The following CBY2 variants were observed in gnomAD, a reference collection of about 807,000 sequenced individuals.
CBY2 encodes the protein chibby family member 2.
In CBY2, 23 loss-of-function variants were observed where a neutral mutation model predicts 25.3. The ratio of observed to expected loss-of-function variants is 0.91; its 90% CI spans 0.65 to 1.29. CBY2 has a LOEUF of 1.29. Ranked by LOEUF, CBY2 falls within the 50% of genes most tolerant of loss-of-function variation. CBY2 has a pLI of 0.00. For synonymous variants in CBY2, 279 were observed against 260.2 expected (o/e 1.07, Z -0.70); for missense variants, 642 against 590.7 (o/e 1.09, Z -0.90).
At position 45,714,066 on chromosome 13, in the gene CBY2, G is replaced by T; in HGVS notation, c.1041G>T (p.Pro347=). The change falls in exon 3 of 3, where the codon CCG becomes CCT. Residue 347 remains proline (P), a synonymous_variant. Coordinates refer to ENST00000310521, the MANE Select transcript of CBY2 (RefSeq NM_152719.3). The part of the protein sequence containing the change: ...PSGEEEAKVG[P]GLPDGCQPLQ... ...GGGAGGAGGAGGCCAAGGTGGGCCC[G>T]GGCCTGCCCGACGGCTGCCAGCCCC... 6.6e-7 allele frequency: 1 copy of T among 1,518,652 alleles called. No homozygotes were observed. The highest frequency in any genetic ancestry group is 8.8e-7 in the Non-Finnish European group (1 of 1,131,718). The allele number at this position is 1,518,652 out of a possible 1,614,324, so 94.1% of individuals were successfully genotyped here.
chr13:45,707,773 T>C (rs188875857), intron 2 of CBY2, among the ~76,000 whole-genome samples: 75 of 148,296 alleles, frequency 5.1e-4, no homozygotes, highest in African/African-American at 1.7e-3. Context: ...GAGTTTGGAG[T>C]CAAATATCCT....
chr13:45,710,180 T>C (rs538859397), intron 2 of CBY2, among the ~76,000 whole-genome samples: 1 of 152,224 alleles, frequency 6.6e-6, no homozygotes, highest in East Asian at 1.9e-4. Context: ...TGGAGTCAAA[T>C]CCTGCTGAGA....
intron 2 of CBY2, among the ~76,000 whole-genome samples, chr13:45,710,157 T>C (rs965679745): frequency 6.6e-6 from 1 of 152,184 alleles, no homozygotes. Flanking sequence ...CATTTTTCCA[T>C]GTTGATAGCT....
intron 2 of CBY2, among the ~76,000 whole-genome samples, chr13:45,711,900 G>T (rs7327457): frequency 0.9 from 136,479 of 152,188 alleles, 61,664 homozygotes; most frequent in African/African-American, 0.98. Context: ...TCTGGGATGG[G>T]TTTTCTTTCT....
At position 45,713,173 on chromosome 13, in the gene CBY2, C is replaced by T; in HGVS notation, c.157-9C>T. On this transcript the variant is annotated splice_polypyrimidine_tract_variant and intron_variant, in intron 2 of 2. Transcript: ENST00000310521. This position sits in a 1 kb window ranked among gnomAD's most constrained non-coding sequence, Gnocchi z 5.0. ...CGTTAACGCTGGGCTTTCCCATTCT[C>T]TCCCGCAGAGGGGCACAGCCGAACC... 1 of 1,600,056 alleles carries T rather than the reference C, an allele frequency of 6.2e-7. No homozygotes were observed. Among genetic ancestry groups the T allele is most frequent in the Non-Finnish European group, 8.5e-7 (1 of 1,171,766 alleles).
In CBY2 at chr13:45,702,771, A is replaced by G. The variant is rs781078003; in HGVS notation, c.76-4A>G. 1 of 1,613,198 alleles carries G rather than the reference A, an allele frequency of 6.2e-7. No homozygotes were observed. Among genetic ancestry groups the G allele is most frequent in the South Asian group, 1.1e-5 (1 of 91,050 alleles). The stretch of plus-strand genomic sequence containing the variant: ...GTAATCTTCTTCTTTTCTCGTTTCC[A>G]CAGCACTCAAGGCCAAATTATACAA... On this transcript the variant is annotated splice_polypyrimidine_tract_variant and splice_region_variant and intron_variant, in intron 1 of 2. Coordinates refer to ENST00000310521, the MANE Select transcript of CBY2 (RefSeq NM_152719.3).
Position 45,713,630 on chromosome 13 carries a change from A to G in CBY2, c.605A>G (p.Glu202Gly). ...AAGATCCTACAGGTCTTCTGGGAGG[A>G]GCACAAGGCCTCGCTGGGCCGAGAG... ...ENKILQVFWE[E>G]HKASLGREES... The change falls in exon 3 of 3, where the codon GAG (glutamate) becomes GGG (glycine). Residue 202 changes from glutamate (E) to glycine (G), a missense_variant. Glu to Gly is a moderately conservative substitution (Grantham distance 98). Coordinates refer to ENST00000310521, the MANE Select transcript of CBY2 (RefSeq NM_152719.3). The surrounding 1 kb of genome is among the most constrained non-coding windows in gnomAD (Gnocchi z 5.0). 2 of 1,613,580 alleles carry G rather than the reference A, an allele frequency of 1.2e-6. No individual in the cohort carries two copies. The highest frequency in any genetic ancestry group is 1.7e-6 in the Non-Finnish European group (2 of 1,179,854).
chr13:45,706,577 T>C (rs184133516), intron 2 of CBY2, among the ~76,000 whole-genome samples: 86 of 152,302 alleles, frequency 5.6e-4, no homozygotes, highest in African/African-American at 1.9e-3. Context: ...TTTTCTTTCC[T>C]ACCTACTGGA....
chr13:45,708,085 T>C (rs1158575939), intron 2 of CBY2, among the ~76,000 whole-genome samples: 1 of 152,210 alleles, frequency 6.6e-6, no homozygotes, highest in Non-Finnish European at 1.5e-5. Context: ...AGGGCAGATG[T>C]TGGTGAGGTC....
intron 1 of CBY2, 39 bp from the exon 2 acceptor site, chr13:45,702,736 C>A: frequency 6.5e-7 from 1 of 1,532,976 alleles, no homozygotes; most frequent in Non-Finnish European, 9.0e-7. Flanking sequence ...AGAGGATGAG[C>A]TGGGAAGCAG....
At chr13:45,710,369 A>G (rs966232000) in intron 2 of CBY2, among the ~76,000 whole-genome samples, 11 of 152,142 alleles carry the variant, frequency 7.2e-5, no homozygotes, top group African/African-American at 2.4e-4. Flanking sequence ...CTAAAATACA[A>G]AAAATTAGCC....
chr13:45,713,507 G>C lies in CBY2; in HGVS notation c.482G>C (p.Arg161Thr). ...ASFHHKLHHK[R>T]LAKECMLQEE... ...TTCCACCACAAGCTGCACCACAAGA[G>C]GCTGGCCAAGGAGTGCATGCTGCAG... The change falls in exon 3 of 3, where the codon AGG becomes ACG. Residue 161 changes from arginine to threonine, a missense_variant. Physicochemically the swap from Arg to Thr is moderately conservative, Grantham distance 71. Transcript: ENST00000310521. The surrounding 1 kb of genome is among the most constrained non-coding windows in gnomAD (Gnocchi z 5.0). 1 of 1,614,202 alleles carries C rather than the reference G, an allele frequency of 6.2e-7. No homozygotes were observed. Among genetic ancestry groups the C allele is most frequent in the Non-Finnish European group, 8.5e-7 (1 of 1,180,030 alleles).
chr13:45,703,109 C>T (rs1950220674), intron 2 of CBY2: 1 of 1,303,938 alleles, frequency 7.7e-7, no homozygotes. Context: ...CCTAACATTC[C>T]AAGTTTCTAT....
chr13:45,703,663 TAATTGTAAC>T, intron 2 of CBY2: 1 of 1,305,956 alleles, frequency 7.7e-7, no homozygotes, highest in Non-Finnish European at 1.1e-6. Flanking sequence ...TCCATATATA[TAATTGTAAC>T]AATCTAGGCA....
chr13:45,714,501 G>A lies in CBY2; in HGVS notation c.*129G>A, dbSNP rs1950302877. The A allele has an allele frequency of 5.0e-6, 4 of 797,104 alleles. No individual in the cohort carries two copies. In the South Asian group the frequency reaches 8.7e-5, roughly 17 times the overall value. 49.4% of individuals were successfully genotyped at this position (797,104 alleles called of 1,614,324 possible). A position where few individuals can be genotyped will look rare whatever the true frequency, so the allele number is the denominator to read the frequency against. On this transcript the variant is annotated 3_prime_UTR_variant, in exon 3 of 3. Transcript: ENST00000310521. The stretch of plus-strand genomic sequence containing the variant: ...TACCTATTGAAAAGCAGCGTTAGCA[G>A]CCTTCCTAAACTCAGAGTTTTAATA...
At position 45,702,933 on chromosome 13, in the gene CBY2, C is replaced by A. The variant is rs17068933; in HGVS notation, c.156+78C>A. Reference sequence around the variant, plus strand: ...CCCATCTCCTCCTTCAAAACTCTAGCAAGATGTTGTAGAATAAGCAGAGAT... The same window carrying A: ...CCCATCTCCTCCTTCAAAACTCTAGAAAGATGTTGTAGAATAAGCAGAGAT... On this transcript the variant is annotated intron_variant, in intron 2 of 2. Transcript: ENST00000310521. 4.0e-3 allele frequency: 5,212 copies of A among 1,297,812 alleles called. 150 individuals carry two copies. The African/African-American group carries it at 0.064, about 16-fold the overall frequency. The allele number at this position is 1,297,812 out of a possible 1,614,324, so 80.4% of individuals were successfully genotyped here.
chr13:45,702,750 T>C, intron 1 of CBY2, 25 bp from the exon 2 acceptor site: 1 of 1,590,852 alleles, frequency 6.3e-7, no homozygotes, highest in Non-Finnish European at 8.6e-7. Context: ...GAAGCAGTAA[T>C]CTTCTTCTTT....
chr13:45,709,507 C>A (rs1035573581), intron 2 of CBY2, among the ~76,000 whole-genome samples: 12 of 152,134 alleles, frequency 7.9e-5, no homozygotes, highest in African/African-American at 2.9e-4. Context: ...GAAATTTGAA[C>A]ATGGGCTCAG....
chr13:45,713,391 GC>G lies in CBY2; in HGVS notation c.367del (p.Leu123SerfsTer14). On this transcript the variant is annotated frameshift_variant, in exon 3 of 3. Coordinates refer to ENST00000310521, the MANE Select transcript of CBY2 (RefSeq NM_152719.3). LOFTEE classifies it high-confidence loss of function. The surrounding 1 kb of genome is among the most constrained non-coding windows in gnomAD (Gnocchi z 5.0). ...TGGACTACAACCCGCCGCGGGTGCA[GC>G]TCAGCGACGAGATGTTCGTGTTCCA... ...ELDYNPPRVQ[L>X]SDEMFVFQDG... The G allele has an allele frequency of 6.2e-7, 1 of 1,614,178 alleles. No individual in the cohort carries two copies. The highest frequency in any genetic ancestry group is 8.5e-7 in the Non-Finnish European group (1 of 1,180,024).
Sources: allele counts gnomAD v4.1 joint callset (sites outside exome capture counted in the v4.1 genomes callset), GRCh38; gene constraint gnomAD v4.1.1; non-coding constraint Gnocchi (gnomAD v3.1); transcripts MANE v1.5; gene names NCBI Gene and HGNC (gene_info 2026-07-23, HGNC 2026-07-21).